NBEAL2: variants seen among roughly 807,000 people sequenced by gnomAD.
NBEAL2 encodes neurobeachin-like protein 2.
Under a neutral mutation model 299.8 loss-of-function variants are expected in NBEAL2, and 160 were observed. The observed-to-expected ratio is 0.53, with a 90% CI of 0.47 to 0.61. The LOEUF (loss-of-function observed/expected upper bound fraction) is 0.61, where lower values mean the gene tolerates loss of function less well. Among genes scored for constraint, NBEAL2 ranks in the 20% least tolerant of loss-of-function variants. The pLI, the probability that NBEAL2 is intolerant of heterozygous loss-of-function variation, is 0.00. For synonymous variants in NBEAL2, 1,493 were observed against 1,542.3 expected, an observed-to-expected ratio of 0.97 and a Z score of 0.75; for missense variants, 3,112 against 3,649.0, an observed-to-expected ratio of 0.85 and a Z score of 3.79.
Position 47,004,869 on chromosome 3 carries a change from G to A in NBEAL2, c.6295-103G>A. On this transcript the variant is annotated intron_variant, in intron 38 of 53. Coordinates refer to ENST00000450053, the MANE Select transcript of NBEAL2 (RefSeq NM_015175.3). The surrounding 1 kb of genome is among the most constrained non-coding windows in gnomAD (Gnocchi z 5.0). ...CCTCTAAGTGGTGCTCCCCCAACCTGTGGGCAGGCTCTGTGCCCGCCTTCT... is the reference window on the plus strand; with the variant it reads ...CCTCTAAGTGGTGCTCCCCCAACCTATGGGCAGGCTCTGTGCCCGCCTTCT... The A allele has an allele frequency of 2.0e-6, 3 of 1,508,154 alleles. No individual in the cohort carries two copies. The highest frequency in any genetic ancestry group is 2.5e-5 in the South Asian group (2 of 79,436). The allele number at this position is 1,508,154 out of a possible 1,614,324, so 93.4% of individuals were successfully genotyped here. A position where few individuals can be genotyped will look rare whatever the true frequency, so the allele number is the denominator to read the frequency against.
intron 1 of NBEAL2, among the ~76,000 whole-genome samples, chr3:46,981,125 G>A (rs994145138): frequency 1.3e-5 from 2 of 152,206 alleles, no homozygotes; most frequent in African/African-American, 4.8e-5. Flanking sequence ...CTCGACTTCT[G>A]AGCCTCTGCT....
rs772661249 is a variant in NBEAL2 at position 47,007,833 on chromosome 3, G to A, written c.7525G>A (p.Ala2509Thr). ...CCATGCAGATGTAGTAACCTGCCTTGCACTGGACACCTGTGGCATCTACCT... is the reference window on the plus strand; with the variant it reads ...CCATGCAGATGTAGTAACCTGCCTTACACTGGACACCTGTGGCATCTACCT... ...SCHLDVVTCL[A>T]LDTCGIYLIS... The change falls in exon 49 of 54, where the codon GCA (alanine) becomes ACA (threonine). Residue 2509 changes from alanine to threonine, a missense_variant. By Grantham distance (58) the Ala-to-Thr change is moderately conservative (BLOSUM62 0). Transcript: ENST00000450053. 18 of 1,613,484 alleles carry A rather than the reference G, an allele frequency of 1.1e-5. No homozygotes were observed. In the South Asian group the frequency reaches 1.4e-4, roughly 13 times the overall value.
At position 46,999,949 on chromosome 3, in the gene NBEAL2, T is replaced by TGGCA; in HGVS notation, c.3851_3854dup (p.Asp1286AlafsTer39). 1 of 1,611,706 alleles carries TGGCA rather than the reference T, an allele frequency of 6.2e-7. No individual in the cohort carries two copies. Among genetic ancestry groups the TGGCA allele is most frequent in the South Asian group, 1.1e-5 (1 of 91,070 alleles). ...GCGGCTTCTGGCCCGACAGGCTGGC[T>TGGCA]GGCAAGATGTGCTGACCCGGCTATA... On this transcript the variant is annotated frameshift_variant, in exon 27 of 54. Coordinates refer to ENST00000450053, the MANE Select transcript of NBEAL2 (RefSeq NM_015175.3). LOFTEE classifies it high-confidence loss of function.
At position 47,000,532 on chromosome 3, in the gene NBEAL2, C is replaced by G. The variant is rs1483257459; in HGVS notation, c.4305+128C>G. On this transcript the variant is annotated intron_variant, in intron 27 of 53. Coordinates refer to ENST00000450053, the MANE Select transcript of NBEAL2 (RefSeq NM_015175.3). The surrounding 1 kb of genome is among the most constrained non-coding windows in gnomAD (Gnocchi z 4.5). ...ACCAGGGTTGCAGCCACTGGTCAGG[C>G]CTATTGCTGTCCCCTCATAGCTCTC... is the stretch of plus-strand genomic sequence containing the variant. The G allele has an allele frequency of 8.3e-7, 1 of 1,205,694 alleles. No homozygotes were observed. Among genetic ancestry groups the G allele is most frequent in the Non-Finnish European group, 1.2e-6 (1 of 868,298 alleles). The allele number at this position is 1,205,694 out of a possible 1,614,324, so 74.7% of individuals were successfully genotyped here. A position where few individuals can be genotyped will look rare whatever the true frequency, so the allele number is the denominator to read the frequency against.
At chr3:46,998,370 C>T in intron 21 of NBEAL2, 93 bp from the exon 22 acceptor site, 3 of 1,514,002 alleles carry the variant, frequency 2.0e-6, no homozygotes, top group Non-Finnish European at 2.7e-6. Flanking sequence ...TGACCCTGCC[C>T]TGGAAGTCTG....
rs764925079 is a variant in NBEAL2 at position 47,005,049 on chromosome 3, G to A, written c.6372G>A (p.Lys2124=). The stretch of plus-strand genomic sequence containing the variant: ...CAGCCGTCTTCCGGGACCTGTCTAA[G>A]CCCATCGGTGTGGTGAACCCCAAGC... The part of the protein sequence containing the change: ...SNPAVFRDLS[K]PIGVVNPKHA... Residue 2124 remains lysine (K), a synonymous_variant, in exon 39 of 54, where the codon AAG becomes AAA. Transcript: ENST00000450053. The A allele has an allele frequency of 1.2e-6, 2 of 1,613,644 alleles. No homozygotes were observed. Among genetic ancestry groups the A allele is most frequent in the South Asian group, 1.1e-5 (1 of 91,022 alleles).
At position 47,009,071 on chromosome 3, in the gene NBEAL2, G is replaced by A. The variant is rs750149566; in HGVS notation, c.8110G>A (p.Val2704Met). 14 of 1,602,438 alleles carry A rather than the reference G, an allele frequency of 8.7e-6. No homozygotes were observed. The highest frequency in any genetic ancestry group is 1.3e-5 in the African/African-American group (1 of 75,016). Residue 2704 changes from valine (V) to methionine (M), a missense_variant, in exon 53 of 54, where the codon GTG becomes ATG. Transcript: ENST00000450053. ...GACCAAGGAGCGCAGCCACGTGCTG[G>A]TGGGCCTGGAGGATGGCAAGCTCAT... ...AVTKERSHVL[V>M]GLEDGKLIVV...
In NBEAL2 at chr3:47,000,484, C is replaced by T; in HGVS notation, c.4305+80C>T. ...GTACACAGGGCTGGCAGTGTAGCCT[C>T]TCCAAAGGTGTGGCCCTGTCTGACC... On this transcript the variant is annotated intron_variant, in intron 27 of 53. Coordinates refer to ENST00000450053, the MANE Select transcript of NBEAL2 (RefSeq NM_015175.3). The surrounding 1 kb of genome is among the most constrained non-coding windows in gnomAD (Gnocchi z 4.5). The T allele has an allele frequency of 6.6e-7, 1 of 1,505,240 alleles. No individual in the cohort carries two copies. The highest frequency in any genetic ancestry group is 8.9e-7 in the Non-Finnish European group (1 of 1,122,310). The allele number at this position is 1,505,240 out of a possible 1,614,324, so 93.2% of individuals were successfully genotyped here.
intron 45 of NBEAL2, 94 bp from the exon 46 acceptor site, chr3:47,006,972 G>A: frequency 2.9e-6 from 3 of 1,048,526 alleles, no homozygotes; most frequent in Non-Finnish European, 4.1e-6. Flanking sequence ...TGACCCCTGG[G>A]GACTGACAGT....
Position 46,995,061 on chromosome 3 carries a change from A to T in NBEAL2, c.1326A>T (p.Pro442=). Residue 442 remains proline, a synonymous_variant, in exon 13 of 54, where the codon CCA becomes CCT. Coordinates refer to ENST00000450053, the MANE Select transcript of NBEAL2 (RefSeq NM_015175.3). ...MAVEGDHSMC[P]PPPIRNEQPV... is the part of the protein sequence containing the mutation. ...TGGAGGGTGACCACAGCATGTGCCC[A>T]CCTCCACCAATCCGCAACGAGCAGC... is the stretch of plus-strand genomic sequence containing the variant. The T allele has an allele frequency of 6.4e-7, 1 of 1,553,652 alleles. No individual in the cohort carries two copies. The highest frequency in any genetic ancestry group is 8.7e-7 in the Non-Finnish European group (1 of 1,145,372).
chr3:47,004,226 G>A lies in NBEAL2; in HGVS notation c.6031G>A (p.Val2011Ile), dbSNP rs755475170. 3.7e-6 allele frequency: 6 copies of A among 1,613,644 alleles called. No homozygotes were observed. Among genetic ancestry groups the A allele is most frequent in the Non-Finnish European group, 5.1e-6 (6 of 1,179,816 alleles). Reference sequence around the variant, plus strand: ...CCCATGCAAGGTGGGCACGACCCCAGTCTCATCTCCTAGCCAGACTCCCAG... The same window carrying A: ...CCCATGCAAGGTGGGCACGACCCCAATCTCATCTCCTAGCCAGACTCCCAG... ...NFPCKVGTTPVSSPSQTPRPQ... is the reference protein window; with the variant it reads ...NFPCKVGTTPISSPSQTPRPQ... The change falls in exon 37 of 54, where the codon GTC (valine) becomes ATC (isoleucine). Residue 2011 changes from valine to isoleucine, a missense_variant. Coordinates refer to ENST00000450053, the MANE Select transcript of NBEAL2 (RefSeq NM_015175.3). The surrounding 1 kb of genome is among the most constrained non-coding windows in gnomAD (Gnocchi z 5.0).
chr3:47,008,815 T>A, intron 52 of NBEAL2, 147 bp downstream of exon 52: 1 of 1,439,806 alleles, frequency 6.9e-7, no homozygotes, highest in Non-Finnish European at 9.4e-7. Flanking sequence ...CATGGGGAGG[T>A]CTTGCCCTGG....
At chr3:46,983,622 C>T (rs1237372000) in intron 1 of NBEAL2, among the ~76,000 whole-genome samples, 1 of 152,038 alleles carries the variant, frequency 6.6e-6, no homozygotes, top group African/African-American at 2.4e-5. Context: ...CTGGTCATAT[C>T]CTTTTTGGGC....
chr3:47,002,509 C>T lies in NBEAL2; in HGVS notation c.5290C>T (p.Arg1764Trp), dbSNP rs980696878. 2.6e-5 allele frequency: 42 copies of T among 1,612,476 alleles called. No homozygotes were observed. The highest frequency in any genetic ancestry group is 3.3e-5 in the Non-Finnish European group (39 of 1,179,756). ...CCAGTGGGAGCGCGCCCAGAGTCGT[C>T]GGGCCTTCCAGGTGTGCCACCCGGG... ...RRQWERAQSRRAFQELVLEPA... is the reference protein window; with the variant it reads ...RRQWERAQSRWAFQELVLEPA... The change falls in exon 32 of 54, where the codon CGG (arginine) becomes TGG (tryptophan). Residue 1764 changes from arginine (R) to tryptophan (W), a missense_variant. Around this residue, in one of 3 missense-constraint regions of NBEAL2, gnomAD observed 2,243 missense variants for 2,538.1 expected, o/e 0.88. Coordinates refer to ENST00000450053, the MANE Select transcript of NBEAL2 (RefSeq NM_015175.3).
At position 46,995,397 on chromosome 3, in the gene NBEAL2, G is replaced by T. The variant is rs1014824620; in HGVS notation, c.1662G>T (p.Lys554Asn). 6.2e-7 allele frequency: 1 copy of T among 1,612,744 alleles called. No homozygotes were observed. Among genetic ancestry groups the T allele is most frequent in the Admixed American group, 1.7e-5 (1 of 60,014 alleles). Reference protein sequence around the residue: ...DSEPGGAEAGKARHAGAVIRT... With the variant: ...DSEPGGAEAGNARHAGAVIRT... ...AACCAGGCGGAGCTGAGGCTGGAAA[G>T]GCCCGACACGCAGGTGCTGTCATCC... Residue 554 changes from lysine to asparagine, a missense_variant, in exon 13 of 54, where the codon AAG (lysine) becomes AAT (asparagine). By Grantham distance (94) the Lys-to-Asn change is moderately conservative. Around this residue, in one of 3 missense-constraint regions of NBEAL2, gnomAD observed 2,243 missense variants for 2,538.1 expected, o/e 0.88. Transcript: ENST00000450053.
In NBEAL2 at chr3:47,009,100, G is replaced by C; in HGVS notation, c.8139G>C (p.Val2713=). 6.3e-7 allele frequency: 1 copy of C among 1,596,522 alleles called. No individual in the cohort carries two copies. ...LVGLEDGKLI[V]VVAGQPSEVR... is the part of the protein sequence containing the mutation. ...GCCTGGAGGATGGCAAGCTCATCGT[G>C]GTGGTCGCGGGGCAGCCCTCTGAGG... Residue 2713 remains valine, a synonymous_variant, in exon 53 of 54, where the codon GTG becomes GTC. Coordinates refer to ENST00000450053, the MANE Select transcript of NBEAL2 (RefSeq NM_015175.3).
Position 47,005,976 on chromosome 3 carries a change from G to A in NBEAL2, c.6832G>A (p.Glu2278Lys), listed in dbSNP as rs1477229672. The A allele has an allele frequency of 5.0e-6, 8 of 1,613,622 alleles. No individual in the cohort carries two copies. The highest frequency in any genetic ancestry group is 1.6e-4 in the Middle Eastern group (1 of 6,084). ...ESEYVSAHLHEWIDLIFGYKQ... is the reference protein window; with the variant it reads ...ESEYVSAHLHKWIDLIFGYKQ... ...GGAGTATGTGTCTGCACACCTACAC[G>A]AGTGGATCGACCTCATCTTTGGCTA... Residue 2278 changes from glutamate to lysine, a missense_variant, in exon 43 of 54, where the codon GAG (glutamate) becomes AAG (lysine). Glu to Lys is a moderately conservative substitution (Grantham distance 56, BLOSUM62 1). Around this residue, in one of 3 missense-constraint regions of NBEAL2, gnomAD observed 521 missense variants for 729.6 expected, o/e 0.71. Transcript: ENST00000450053.
In NBEAL2 at chr3:47,008,114, G is replaced by A. The variant is rs370986736; in HGVS notation, c.7647G>A (p.Leu2549=). The A allele has an allele frequency of 3.1e-6, 5 of 1,613,916 alleles. No homozygotes were observed. Among genetic ancestry groups the A allele is most frequent in the East Asian group, 2.2e-5 (1 of 44,890 alleles). The change falls in exon 50 of 54, where the codon CTG becomes CTA. Residue 2549 remains leucine (L), a synonymous_variant. Transcript: ENST00000450053. ...TGGCACCAAAGCCTGTGCAGGTCCT[G>A]TATGGGCATGGGGCTGCAGTGAGCT... ...VGLAPKPVQV[L]YGHGAAVSCV... is the part of the protein sequence containing the mutation.
rs2035938249 is a variant in NBEAL2 at position 46,989,600 on chromosome 3, C to T, written c.556+7C>T. 1 of 1,577,724 alleles carries T rather than the reference C, an allele frequency of 6.3e-7. No homozygotes were observed. The highest frequency in any genetic ancestry group is 8.6e-7 in the Non-Finnish European group (1 of 1,161,568). On this transcript the variant is annotated splice_region_variant and intron_variant, in intron 6 of 53. Transcript: ENST00000450053. This position sits in a 1 kb window ranked among gnomAD's most constrained non-coding sequence, Gnocchi z 5.5. ...TTCAGCGCCTTCTTCCAAGGTCAGG[C>T]CCCGCCCCTGCCCCCACTTGGCTCC...
Sources: gnomAD v4.1 joint callset for allele counts (sites outside exome capture counted in the v4.1 genomes callset) on GRCh38, gnomAD v4.1.1 for gene constraint, gnomAD v4.1.1 regional missense constraint, Gnocchi (gnomAD v3.1) non-coding constraint, MANE v1.5 for transcripts, NCBI Gene and HGNC (gene_info 2026-07-23, HGNC 2026-07-21) for gene names.